Variants in PRR35 observed in about 807,000 individuals in gnomAD.
The protein encoded by PRR35 is proline-rich protein 35.
A neutral mutation model predicts 18.6 loss-of-function variants in PRR35; 14 were observed. The ratio of observed to expected loss-of-function variants is 0.75; its 90% CI spans 0.50 to 1.18. PRR35 has a LOEUF of 1.18. Among genes scored for constraint, PRR35 ranks in the 50% most tolerant of loss-of-function variants. The probability of loss-of-function intolerance (pLI) is 0.00; values close to 1 mark genes in which losing one functional copy is unlikely to be tolerated. For synonymous variants in PRR35, 425 were observed against 378.2 expected, an observed-to-expected ratio of 1.12 and a Z score of -1.43; for missense variants, 832 against 792.2, an observed-to-expected ratio of 1.05 and a Z score of -0.60.
Position 564,946 on chromosome 16 carries a change from A to T in PRR35, c.1355A>T (p.Gln452Leu). ...CGCCTGGAGCTGCTCACCATTCACC[A>T]GGCGCTGGAGCAGGCCGTGAGGCCG... ...KIRLELLTIH[Q>L]ALEQAVRPPD... is the part of the protein sequence containing the mutation. Residue 452 changes from glutamine to leucine, a missense_variant, in exon 3 of 3, where the codon CAG becomes CTG. Gln to Leu is a moderately radical substitution (Grantham distance 113). Coordinates refer to ENST00000409413, the MANE Select transcript of PRR35 (RefSeq NM_145270.3). The T allele has an allele frequency of 6.2e-7, 1 of 1,604,888 alleles. No individual in the cohort carries two copies. The highest frequency in any genetic ancestry group is 8.5e-7 in the Non-Finnish European group (1 of 1,178,152).
Position 564,396 on chromosome 16 carries a change from G to T in PRR35, c.1082+20G>T, listed in dbSNP as rs570850770. 3 of 1,589,030 alleles carry T rather than the reference G, an allele frequency of 1.9e-6. No homozygotes were observed. The highest frequency in any genetic ancestry group is 1.8e-4 in the Middle Eastern group (1 of 5,534). ...GAGCAGGTGGGCGTCTTGGGCTCCC[G>T]GTTCCTGGGGTGGACGGAGGGGCTG... On this transcript the variant is annotated intron_variant, in intron 2 of 2. Transcript: ENST00000409413.
intron 1 of PRR35, chr16:561,841 A>G: frequency 1.1e-6 from 1 of 945,378 alleles, no homozygotes; most frequent in Non-Finnish European, 1.3e-6. Context: ...CTGTGTGAGC[A>G]TGTGAGTGCC....
intron 1 of PRR35, among the ~76,000 whole-genome samples, chr16:562,607 G>A (rs1262311982): frequency 1.3e-5 from 2 of 150,678 alleles, no homozygotes; most frequent in Non-Finnish European, 1.5e-5. Context: ...ACACACACAG[G>A]CACACACACA....
At position 563,701 on chromosome 16, in the gene PRR35, G is replaced by A; in HGVS notation, c.407G>A (p.Gly136Glu). 1 of 1,553,786 alleles carries A rather than the reference G, an allele frequency of 6.4e-7. No individual in the cohort carries two copies. The highest frequency in any genetic ancestry group is 8.7e-7 in the Non-Finnish European group (1 of 1,154,942). The change falls in exon 2 of 3, where the codon GGG becomes GAG. Residue 136 changes from glycine to glutamate, a missense_variant. By Grantham distance (98) the Gly-to-Glu change is moderately conservative. Coordinates refer to ENST00000409413, the MANE Select transcript of PRR35 (RefSeq NM_145270.3). The part of the protein sequence containing the change: ...CGGGPKSRAK[G>E]SPGPPPPVAR... ...GGAGGCCCCAAGTCCAGGGCCAAGG[G>A]GTCCCCAGGGCCACCACCCCCTGTG...
rs1314018155 is a variant in PRR35 at position 563,801 on chromosome 16, C to G, written c.507C>G (p.Asp169Glu). The G allele has an allele frequency of 6.7e-7, 1 of 1,501,184 alleles. No homozygotes were observed. Among genetic ancestry groups the G allele is most frequent in the Non-Finnish European group, 8.9e-7 (1 of 1,123,968 alleles). The allele number at this position is 1,501,184 out of a possible 1,614,324, so 93.0% of individuals were successfully genotyped here. A position where few individuals can be genotyped will look rare whatever the true frequency, so the allele number is the denominator to read the frequency against. ...PESWKPGMGG[D>E]PRGVGAGDMA... ...CGTGGAAGCCGGGGATGGGAGGGGA[C>G]CCAAGGGGCGTGGGTGCGGGGGACA... is the stretch of plus-strand genomic sequence containing the variant. The change falls in exon 2 of 3, where the codon GAC becomes GAG. Residue 169 changes from aspartate to glutamate, a missense_variant. Physicochemically the swap from Asp to Glu is conservative, Grantham distance 45 (BLOSUM62 2). Transcript: ENST00000409413.
Position 563,320 on chromosome 16 carries a change from G to C in PRR35, c.26G>C (p.Arg9Pro). 2 of 1,610,260 alleles carry C rather than the reference G, an allele frequency of 1.2e-6. No individual in the cohort carries two copies. Among genetic ancestry groups the C allele is most frequent in the Non-Finnish European group, 1.7e-6 (2 of 1,179,020 alleles). ...ATGTCGCGGGAGGCGGGCTCATGCCGCGTGGGCACAGGGGCGAGGGCGCGG... is the reference window on the plus strand; with the variant it reads ...ATGTCGCGGGAGGCGGGCTCATGCCCCGTGGGCACAGGGGCGAGGGCGCGG... MSREAGSC[R>P]VGTGARARSR... Residue 9 changes from arginine (R) to proline (P), a missense_variant, in exon 2 of 3, where the codon CGC (arginine) becomes CCC (proline). Arg to Pro is a moderately radical substitution (Grantham distance 103, BLOSUM62 -2). Coordinates refer to ENST00000409413, the MANE Select transcript of PRR35 (RefSeq NM_145270.3).
Position 565,311 on chromosome 16 carries a change from G to A in PRR35, c.*4G>A. On this transcript the variant is annotated 3_prime_UTR_variant, in exon 3 of 3. Coordinates refer to ENST00000409413, the MANE Select transcript of PRR35 (RefSeq NM_145270.3). The stretch of plus-strand genomic sequence containing the variant: ...CCCCCAGGGCGCCGAGGTCTGACCT[G>A]CAGCGCCTGAGGTCTGACTGTCTCT... 6.7e-7 allele frequency: 1 copy of A among 1,484,608 alleles called. No individual in the cohort carries two copies. 92.0% of individuals were successfully genotyped at this position (1,484,608 alleles called of 1,614,324 possible).
rs996240373 is a variant in PRR35 at position 565,442 on chromosome 16, C to T, written c.*135C>T. On this transcript the variant is annotated 3_prime_UTR_variant, in exon 3 of 3. Transcript: ENST00000409413. ...ATAGACCCCCACGGGCCGTGGCCAA[C>T]GCTTGTCCCTGGGGCCACACAGGGA... The T allele has an allele frequency of 5.3e-6, 5 of 938,324 alleles. No individual in the cohort carries two copies. Among genetic ancestry groups the T allele is most frequent in the Admixed American group, 3.8e-5 (1 of 26,544 alleles). The allele number at this position is 938,324 out of a possible 1,614,324, so 58.1% of individuals were successfully genotyped here.
chr16:562,534 T>C (rs985573704), intron 1 of PRR35, among the ~76,000 whole-genome samples: 70 of 121,938 alleles, frequency 5.7e-4, no homozygotes, highest in Middle Eastern at 3.6e-3. Flanking sequence ...CACACACGTG[T>C]GCACACACAC....
Position 563,260 on chromosome 16 carries a change from C to T in PRR35, c.-35C>T. On this transcript the variant is annotated 5_prime_UTR_variant, in exon 2 of 3. Transcript: ENST00000409413. ...TGACTGTGGCCCCATCTACAGGTGG[C>T]CATGGTGCCCGGCCCTGCCTCATAG... 2 of 1,557,766 alleles carry T rather than the reference C, an allele frequency of 1.3e-6. No individual in the cohort carries two copies. Among genetic ancestry groups the T allele is most frequent in the South Asian group, 1.2e-5 (1 of 84,336 alleles).
At chr16:562,427 C>T (rs1299966453) in intron 1 of PRR35, among the ~76,000 whole-genome samples, 1 of 152,254 alleles carries the variant, frequency 6.6e-6, no homozygotes, top group Admixed American at 6.5e-5. Context: ...CACGCATACA[C>T]ACGCACTCAC....
At chr16:560,740 T>G (rs2142104450) in intron 1 of PRR35, 79 bp downstream of exon 1, 1 of 890,908 alleles carries the variant, frequency 1.1e-6, no homozygotes, top group African/African-American at 2.0e-5. Context: ...GGGCAGCGGG[T>G]GGCCAGGCGT....
upstream of PRR35, chr16:560,356 C>T (rs867893297): frequency 1.5e-5 from 15 of 982,478 alleles, no homozygotes; most frequent in South Asian, 3.3e-4. Context: ...CCCCCCGGAG[C>T]CCGGAGCCCA....
rs752854484 is a variant in PRR35 at position 564,950 on chromosome 16, G to T, written c.1359G>T (p.Ala453=). Residue 453 remains alanine (A), a synonymous_variant, in exon 3 of 3, where the codon GCG becomes GCT. Coordinates refer to ENST00000409413, the MANE Select transcript of PRR35 (RefSeq NM_145270.3). ...IRLELLTIHQ[A]LEQAVRPPDA... is the part of the protein sequence containing the mutation. ...TGGAGCTGCTCACCATTCACCAGGCGCTGGAGCAGGCCGTGAGGCCGCCAG... is the reference window on the plus strand; with the variant it reads ...TGGAGCTGCTCACCATTCACCAGGCTCTGGAGCAGGCCGTGAGGCCGCCAG... 6.2e-7 allele frequency: 1 copy of T among 1,604,870 alleles called. No homozygotes were observed.
At chr16:561,004 C>T (rs2142105201) in intron 1 of PRR35, among the ~76,000 whole-genome samples, 1 of 150,310 alleles carries the variant, frequency 6.7e-6, no homozygotes, top group African/African-American at 2.5e-5. Flanking sequence ...CCCTCCTGCC[C>T]TGTGGGGGTG....
At position 564,706 on chromosome 16, in the gene PRR35, C is replaced by G; in HGVS notation, c.1115C>G (p.Pro372Arg). Residue 372 changes from proline (P) to arginine (R), a missense_variant, in exon 3 of 3, where the codon CCT becomes CGT. By Grantham distance (103) the Pro-to-Arg change is moderately radical (BLOSUM62 -2). Around this residue, in one of 3 missense-constraint regions of PRR35, gnomAD observed 768 missense variants for 704.1 expected, o/e 1.09. Transcript: ENST00000409413. ...LPTGSSVMLW[P>R]EDGDPGGPET... Reference sequence around the variant, plus strand: ...ACCGGCTCCTCTGTGATGCTGTGGCCTGAGGACGGGGATCCAGGCGGCCCT... The same window carrying G: ...ACCGGCTCCTCTGTGATGCTGTGGCGTGAGGACGGGGATCCAGGCGGCCCT... 1 of 1,533,452 alleles carries G rather than the reference C, an allele frequency of 6.5e-7. No homozygotes were observed. The highest frequency in any genetic ancestry group is 8.7e-7 in the Non-Finnish European group (1 of 1,146,250). 95.0% of individuals were successfully genotyped at this position (1,533,452 alleles called of 1,614,324 possible).
intron 1 of PRR35, among the ~76,000 whole-genome samples, chr16:561,012 GT>G (rs1354009089): frequency 6.6e-5 from 10 of 151,946 alleles, no homozygotes; most frequent in African/African-American, 2.4e-4. Context: ...CCCTGTGGGG[GT>G]GCCTGTGCCC....
At chr16:564,623 C>G in intron 2 of PRR35, 51 bp from the exon 3 acceptor site, 1 of 1,466,442 alleles carries the variant, frequency 6.8e-7, no homozygotes, top group East Asian at 2.5e-5. Context: ...GGGCAGGGGC[C>G]GGGGGCGCTG....
chr16:561,234 C>T (rs951893854), intron 1 of PRR35, among the ~76,000 whole-genome samples: 1 of 152,212 alleles, frequency 6.6e-6, no homozygotes, highest in Admixed American at 6.5e-5. Context: ...AGGTGGGTGC[C>T]AGCTATCCTC....
Sources: allele counts gnomAD v4.1 joint callset (sites outside exome capture counted in the v4.1 genomes callset), GRCh38; gene constraint gnomAD v4.1.1; regional missense constraint gnomAD v4.1.1; transcripts MANE v1.5; gene names NCBI Gene and HGNC (gene_info 2026-07-23, HGNC 2026-07-21).